The following E2F3 variants were observed in gnomAD, a reference collection of about 807,000 sequenced individuals.
E2F3 encodes the protein transcription factor E2F3.
E2F3 carries 11 observed loss-of-function variants against 44.4 expected under a neutral mutation model. That is an observed-to-expected ratio of 0.25 (90% CI 0.16 to 0.41). The LOEUF (loss-of-function observed/expected upper bound fraction) is 0.41. E2F3 is among the 10% of genes least tolerant of loss of function. The pLI is 1.00. For synonymous variants in E2F3, 249 were observed against 253.0 expected (o/e 0.98, Z 0.15); for missense variants, 487 against 583.6 (o/e 0.83, Z 1.70).
intron 1 of E2F3, among the ~76,000 whole-genome samples, chr6:20,472,693 T>C (rs1194782284): frequency 1.3e-5 from 2 of 152,066 alleles, no homozygotes; most frequent in African/African-American, 4.8e-5. Context: ...AGAATTCTAG[T>C]ATCTGTCCCT....
chr6:20,473,069 A>G (rs1382880087), intron 1 of E2F3, among the ~76,000 whole-genome samples: 1 of 152,242 alleles, frequency 6.6e-6, no homozygotes, highest in Non-Finnish European at 1.5e-5. Context: ...AGGATATCCA[A>G]GTAACTTCAT....
At chr6:20,456,630 T>C (rs1462444497) in intron 1 of E2F3, among the ~76,000 whole-genome samples, 1 of 152,224 alleles carries the variant, frequency 6.6e-6, no homozygotes, top group Admixed American at 6.5e-5. Flanking sequence ...AGTCCACTAG[T>C]TAAAAAAGTA....
intron 1 of E2F3, among the ~76,000 whole-genome samples, chr6:20,461,242 C>T (rs952657046): frequency 3.3e-5 from 5 of 151,914 alleles, no homozygotes; most frequent in Non-Finnish European, 7.4e-5. Flanking sequence ...TCCTGTAATC[C>T]CAGCACTTTG....
At chr6:20,435,670 G>A (rs967018268) in intron 1 of E2F3, among the ~76,000 whole-genome samples, 1 of 152,178 alleles carries the variant, frequency 6.6e-6, no homozygotes, top group African/African-American at 2.4e-5. Flanking sequence ...AGAATTGCTT[G>A]AATTCGGGAG....
chr6:20,405,764 A>G (rs1326596156), intron 1 of E2F3, among the ~76,000 whole-genome samples: 1 of 151,896 alleles, frequency 6.6e-6, no homozygotes, highest in Non-Finnish European at 1.5e-5. Context: ...CGGAGGTTGC[A>G]GTGAGCTGAG....
Position 20,402,097 on chromosome 6 carries a change from G to A in E2F3, c.-136G>A, listed in dbSNP as rs1276773581. On this transcript the variant is annotated 5_prime_UTR_variant, in exon 1 of 7. Coordinates refer to ENST00000346618, the MANE Select transcript of E2F3 (RefSeq NM_001949.5). This position sits in a 1 kb window ranked among gnomAD's most constrained non-coding sequence, Gnocchi z 5.6. ...GCGGTGCGGAAAAATAAAAAGAAAA[G>A]AGAGAGAGGGGGCTCGGAAGCGCCG... is the stretch of plus-strand genomic sequence containing the variant. 7.3e-7 allele frequency: 1 copy of A among 1,372,482 alleles called. No homozygotes were observed. 85.0% of individuals were successfully genotyped at this position (1,372,482 alleles called of 1,614,324 possible).
At chr6:20,426,285 T>C (rs982994828) in intron 1 of E2F3, among the ~76,000 whole-genome samples, 4 of 152,228 alleles carry the variant, frequency 2.6e-5, no homozygotes, top group African/African-American at 7.2e-5. Context: ...GGGAATTAAA[T>C]CTTAGTGTCT....
intron 4 of E2F3, among the ~76,000 whole-genome samples, chr6:20,484,012 AC>A (rs927452427): frequency 4.6e-5 from 7 of 152,124 alleles, no homozygotes; most frequent in Middle Eastern, 3.2e-3. Flanking sequence ...AGTGATTTGG[AC>A]CCCCAGTGGT....
chr6:20,477,753 A>T (rs1019070982), intron 1 of E2F3, among the ~76,000 whole-genome samples: 19 of 152,204 alleles, frequency 1.2e-4, no homozygotes, highest in African/African-American at 4.6e-4. Flanking sequence ...GAGAAAATAG[A>T]TTTACTATTC....
intron 1 of E2F3, chr6:20,403,602 A>AG: frequency 2.2e-6 from 1 of 460,458 alleles, no homozygotes; most frequent in East Asian, 3.7e-5. Context: ...GGAGGGGGAG[A>AG]GGGGGGCACC....
intron 1 of E2F3, among the ~76,000 whole-genome samples, chr6:20,478,403 T>C (rs892451833): frequency 6.6e-6 from 1 of 152,260 alleles, no homozygotes; most frequent in Non-Finnish European, 1.5e-5. Context: ...CCAGTGGCTA[T>C]CGTAGTAGAC....
intron 1 of E2F3, among the ~76,000 whole-genome samples, chr6:20,443,635 C>T (rs532785680): frequency 3.3e-5 from 5 of 152,018 alleles, no homozygotes; most frequent in East Asian, 2.0e-4. Context: ...CTCGGGAGAG[C>T]GAGAACCCAT....
chr6:20,417,061 T>C (rs1159760665), intron 1 of E2F3, among the ~76,000 whole-genome samples: 1 of 152,240 alleles, frequency 6.6e-6, no homozygotes, highest in Non-Finnish European at 1.5e-5. Flanking sequence ...TTGACAATTA[T>C]TTTTTCTTTT....
At position 20,491,051 on chromosome 6, in the gene E2F3, A is replaced by G. The variant is rs968904066; in HGVS notation, c.*621A>G. 4.4e-6 allele frequency: 1 copy of G among 229,302 alleles called. No individual in the cohort carries two copies. The highest frequency in any genetic ancestry group is 5.7e-5 in the Admixed American group (1 of 17,622). The allele number at this position is 229,302 out of a possible 1,614,324, so 14.2% of individuals were successfully genotyped here. A position where few individuals can be genotyped will look rare whatever the true frequency, so the allele number is the denominator to read the frequency against. On this transcript the variant is annotated 3_prime_UTR_variant, in exon 7 of 7. Transcript: ENST00000346618. ...CAAGAAAACCTCCACAGCCTTCTGG[A>G]TGAAGAACCTGTTTTCAAATATACT...
chr6:20,406,371 A>C (rs1435517316), intron 1 of E2F3, among the ~76,000 whole-genome samples: 4 of 152,226 alleles, frequency 2.6e-5, no homozygotes, highest in Admixed American at 6.5e-5. Flanking sequence ...TATTTAGCAC[A>C]GTGCCTGGCA....
chr6:20,458,213 T>G (rs932690489), intron 1 of E2F3, among the ~76,000 whole-genome samples: 1 of 152,172 alleles, frequency 6.6e-6, no homozygotes, highest in Non-Finnish European at 1.5e-5. Flanking sequence ...TTGCCCACAT[T>G]ACTGTAACAG....
chr6:20,485,072 A>G (rs1250548482), intron 4 of E2F3, among the ~76,000 whole-genome samples: 1 of 152,146 alleles, frequency 6.6e-6, no homozygotes, highest in Non-Finnish European at 1.5e-5. Flanking sequence ...GCCATTAAAT[A>G]CGTTATACTA....
chr6:20,493,197 TAA>T lies in E2F3; in HGVS notation c.*2768_*2769del, dbSNP rs1762599742. 1 of 226,722 alleles carries T rather than the reference TAA, an allele frequency of 4.4e-6. No individual in the cohort carries two copies. Among genetic ancestry groups the T allele is most frequent in the Non-Finnish European group, 8.8e-6 (1 of 113,742 alleles). The allele number at this position is 226,722 out of a possible 1,614,324, so 14.0% of individuals were successfully genotyped here. On this transcript the variant is annotated 3_prime_UTR_variant, in exon 7 of 7. Transcript: ENST00000346618. ...ACTTTCTAGCTGCTTTGTAATTTTT[TAA>T]GAGTGTTATTTTGTTTTTGTTTTTC...
At chr6:20,448,961 C>CT (rs1761038923) in intron 1 of E2F3, among the ~76,000 whole-genome samples, 1 of 152,180 alleles carries the variant, frequency 6.6e-6, no homozygotes, top group Non-Finnish European at 1.5e-5. Context: ...TCTTCAGAGA[C>CT]CTGCCTTAGT....
Sources: gnomAD v4.1 joint callset for allele counts (sites outside exome capture counted in the v4.1 genomes callset) on GRCh38, gnomAD v4.1.1 for gene constraint, Gnocchi (gnomAD v3.1) non-coding constraint, MANE v1.5 for transcripts, NCBI Gene and HGNC (gene_info 2026-07-23, HGNC 2026-07-21) for gene names.